Variants in SPIN3 observed in about 807,000 individuals in gnomAD.
The protein encoded by SPIN3 is spindlin-3.
For synonymous variants in SPIN3, 74 were observed against 74.3 expected, an observed-to-expected ratio of 1.00 and a Z score of 0.02; for missense variants, 176 against 196.4, an observed-to-expected ratio of 0.90 and a Z score of 0.62.
In SPIN3 at chrX:56,991,994, C is replaced by T. The variant is rs1211597003; in HGVS notation, c.*2177G>A. The stretch of plus-strand genomic sequence containing the variant: ...TAGTTTGAACTATATGACCTCACCC[C>T]CACCCCATCAACTATTAAACTCCAA... On this transcript the variant is annotated 3_prime_UTR_variant, in exon 2 of 2. Coordinates refer to ENST00000374919, the MANE Select transcript of SPIN3 (RefSeq NM_001010862.3). 4 of 293,631 alleles carry T rather than the reference C, an allele frequency of 1.4e-5. No individual in the cohort carries two copies. Among genetic ancestry groups the T allele is most frequent in the Non-Finnish European group, 2.4e-5 (4 of 168,940 alleles). 24.2% of individuals were successfully genotyped at this position (293,631 alleles called of 1,213,427 possible). A position where few individuals can be genotyped will look rare whatever the true frequency, so the allele number is the denominator to read the frequency against.
chrX:56,992,364 GTTTT>G lies in SPIN3; in HGVS notation c.*1803_*1806del, dbSNP rs992037127. The stretch of plus-strand genomic sequence containing the variant: ...ACACTAGTCCCCAGCCACTAGAACA[GTTTT>G]TTTAAGCAAATATATGACCCCAGGA... On this transcript the variant is annotated 3_prime_UTR_variant, in exon 2 of 2. Transcript: ENST00000374919. 1.4e-5 allele frequency: 4 copies of G among 295,447 alleles called. No individual in the cohort carries two copies. Among genetic ancestry groups the G allele is most frequent in the African/African-American group, 2.7e-5 (1 of 36,420 alleles). The allele number at this position is 295,447 out of a possible 1,213,427, so 24.3% of individuals were successfully genotyped here.
At chrX:56,987,134 A>AAAAC (rs769138842), downstream of SPIN3, among the ~76,000 whole-genome samples, 72 of 111,829 alleles carry the variant, frequency 6.4e-4, no homozygotes, top group African/African-American at 1.7e-3. Context: ...TCTGTCTCAA[A>AAAAC]AAACAAACAA....
intron 2 of SPIN3, among the ~76,000 whole-genome samples, chrX:56,985,584 C>A (rs1924206587): frequency 8.9e-6 from 1 of 112,185 alleles, no homozygotes; most frequent in Non-Finnish European, 1.9e-5. Flanking sequence ...CCCATTTCTT[C>A]CCCAGGTATT....
Position 56,994,704 on chromosome X carries a change from G to C in SPIN3, c.244C>G (p.Leu82Val). The C allele has an allele frequency of 8.3e-7, 1 of 1,211,847 alleles. No homozygotes were observed. Among genetic ancestry groups the C allele is most frequent in the Non-Finnish European group, 1.1e-6 (1 of 895,516 alleles). ...AATCCATCATATTTGATAAGATACA[G>C]AGAGGGATTTACAGGTACCTGATCC... ...VLDQVPVNPSLYLIKYDGFDC... is the reference protein window; with the variant it reads ...VLDQVPVNPSVYLIKYDGFDC... Residue 82 changes from leucine to valine, a missense_variant, in exon 2 of 2, where the codon CTG (leucine) becomes GTG (valine). By Grantham distance (32) the Leu-to-Val change is conservative. Coordinates refer to ENST00000374919, the MANE Select transcript of SPIN3 (RefSeq NM_001010862.3).
At chrX:56,989,129 G>A (rs1216759472), downstream of SPIN3, among the ~76,000 whole-genome samples, 7 of 111,184 alleles carry the variant, frequency 6.3e-5, no homozygotes, top group Non-Finnish European at 1.3e-4. Flanking sequence ...TATTTCTCTG[G>A]TTATCTCCCC....
At position 56,980,316 on chromosome X, in the gene SPIN3, A is replaced by G. The variant is rs1196277625; in HGVS notation, c.*205-1656T>C. ...ATATTCATTCTTTGGGAATATATAC[A>G]TTGTGGTATAGCCTCAAAATGGCAT... On this transcript the variant is annotated intron_variant and NMD_transcript_variant, in intron 3 of 5. Transcript: ENST00000475785. 5 of 111,553 alleles carry G rather than the reference A, an allele frequency of 4.5e-5. No individual in the cohort carries two copies. The Admixed American group carries it at 4.8e-4, about 11-fold the overall frequency. 9.2% of individuals were successfully genotyped at this position (111,553 alleles called of 1,213,427 possible).
chrX:56,975,197 C>T (rs1923979625), downstream of SPIN3: 1 of 112,276 alleles, frequency 8.9e-6, no homozygotes, highest in South Asian at 3.7e-4. Context: ...ATCCTGAGAA[C>T]ATGTGCCCAA....
chrX:56,975,740 A>T (rs899521390), downstream of SPIN3: 45 of 111,371 alleles, frequency 4.0e-4, no homozygotes, highest in African/African-American at 1.4e-3. Flanking sequence ...GGAACTCCAC[A>T]GTTGATTTCT....
chrX:56,994,520 G>A lies in SPIN3; in HGVS notation c.428C>T (p.Ser143Phe), dbSNP rs1856800268. 8.3e-7 allele frequency: 1 copy of A among 1,209,762 alleles called. No individual in the cohort carries two copies. Among genetic ancestry groups the A allele is most frequent in the African/African-American group, 1.8e-5 (1 of 57,074 alleles). ...GACCATCCCCCTCCATTCATTTTTGGAACCTTCCTCTGTCTCAAAAATATG... is the reference window on the plus strand; with the variant it reads ...GACCATCCCCCTCCATTCATTTTTGAAACCTTCCTCTGTCTCAAAAATATG... ...VEHIFETEEG[S>F]KNEWRGMVLA... The change falls in exon 2 of 2, where the codon TCC becomes TTC. Residue 143 changes from serine (S) to phenylalanine (F), a missense_variant. Coordinates refer to ENST00000374919, the MANE Select transcript of SPIN3 (RefSeq NM_001010862.3).
intron 2 of SPIN3, among the ~76,000 whole-genome samples, chrX:56,984,713 CT>C: frequency 9.0e-6 from 1 of 111,028 alleles, no homozygotes; most frequent in Non-Finnish European, 1.9e-5. Context: ...ATCTGTTGTT[CT>C]CTATGTACAC....
chrX:56,977,496 G>A (rs1012614623), intron 5 of SPIN3: 30 of 111,720 alleles, frequency 2.7e-4, no homozygotes, highest in African/African-American at 8.8e-4. Context: ...CTACAACTTC[G>A]TATATGTGCA....
At chrX:56,983,919 C>T (rs1292011985) in intron 3 of SPIN3, among the ~76,000 whole-genome samples, 5 of 111,986 alleles carry the variant, frequency 4.5e-5, no homozygotes, top group Non-Finnish European at 7.5e-5. Context: ...ATAATAGAGC[C>T]GTAGGTTAAC....
At chrX:56,980,159 G>T (rs1220881712) in intron 3 of SPIN3, 1 of 111,467 alleles carries the variant, frequency 9.0e-6, no homozygotes, top group African/African-American at 3.3e-5. Context: ...CCCACCCTAT[G>T]ACCCAGCAAT....
intron 3 of SPIN3, among the ~76,000 whole-genome samples, chrX:56,983,452 G>A (rs773618039): frequency 8.9e-6 from 1 of 112,023 alleles, no homozygotes; most frequent in African/African-American, 3.2e-5. Context: ...ATGCAGAATG[G>A]AATCTCTTAA....
At chrX:56,976,578 G>C (rs762039766) in exon 6 of SPIN3, 2 of 111,540 alleles carry the variant, frequency 1.8e-5, no homozygotes, top group Non-Finnish European at 3.8e-5. Flanking sequence ...GGCAACTTCA[G>C]TTAGGTAGAG....
At chrX:56,976,423 C>T (rs1313332877), downstream of SPIN3, 3 of 111,747 alleles carry the variant, frequency 2.7e-5, no homozygotes, top group African/African-American at 9.7e-5. Context: ...CATTACATCT[C>T]TTATACAAGT....
intron 3 of SPIN3, chrX:56,982,306 A>G (rs1379610818): frequency 9.0e-6 from 1 of 111,310 alleles, no homozygotes; most frequent in African/African-American, 3.3e-5. Context: ...TAGGAGCCCA[A>G]GGTTGGAGTT....
At position 56,994,350 on chromosome X, in the gene SPIN3, T is replaced by G; in HGVS notation, c.598A>C (p.Arg200=). The change falls in exon 2 of 2, where the codon AGG becomes CGG. Residue 200 remains arginine (R), a synonymous_variant. Coordinates refer to ENST00000374919, the MANE Select transcript of SPIN3 (RefSeq NM_001010862.3). ...QDSNDSPLAE[R]EPGEVIDSLV... The stretch of plus-strand genomic sequence containing the variant: ...CTGTCTATGACTTCTCCTGGCTCCC[T>G]CTCTGCCAGAGGAGAATCATTGGAA... 8.3e-7 allele frequency: 1 copy of G among 1,211,806 alleles called. No homozygotes were observed. Among genetic ancestry groups the G allele is most frequent in the Non-Finnish European group, 1.1e-6 (1 of 895,534 alleles).
Position 56,994,018 on chromosome X carries a change from C to T in SPIN3, c.*153G>A. The T allele has an allele frequency of 1.9e-6, 1 of 520,881 alleles. No individual in the cohort carries two copies. The highest frequency in any genetic ancestry group is 3.0e-6 in the Non-Finnish European group (1 of 338,332). 42.9% of individuals were successfully genotyped at this position (520,881 alleles called of 1,213,427 possible). A position where few individuals can be genotyped will look rare whatever the true frequency, so the allele number is the denominator to read the frequency against. On this transcript the variant is annotated 3_prime_UTR_variant, in exon 2 of 2. Transcript: ENST00000374919. ...GGACAGATGGGCAAAAGGTTTCTTCCAAAAACGTATGAGAGGGCAGAAGTT... is the reference window on the plus strand; with the variant it reads ...GGACAGATGGGCAAAAGGTTTCTTCTAAAAACGTATGAGAGGGCAGAAGTT...
Sources: allele counts gnomAD v4.1 joint callset (sites outside exome capture counted in the v4.1 genomes callset), GRCh38; gene constraint gnomAD v4.1.1; transcripts MANE v1.5; gene names NCBI Gene and HGNC (gene_info 2026-07-23, HGNC 2026-07-21).